METTL15: variants seen among roughly 807,000 people sequenced by gnomAD.
METTL15 encodes 12S rRNA N(4)-cytidine methyltransferase METTL15.
A neutral mutation model predicts 38.3 loss-of-function variants in METTL15; 34 were observed. The ratio of observed to expected loss-of-function variants is 0.89; its 90% CI spans 0.68 to 1.18. The LOEUF (loss-of-function observed/expected upper bound fraction) is 1.18, where lower values mean the gene tolerates loss of function less well. Among genes scored for constraint, METTL15 ranks in the 50% most tolerant of loss-of-function variants. The pLI is 0.00. For missense variants in METTL15, 438 were observed against 498.4 expected (o/e 0.88, Z 1.15); for synonymous variants, 162 against 170.9 (o/e 0.95, Z 0.41).
At chr11:28,299,628 C>T (rs908602945) in intron 6 of METTL15, among the ~76,000 whole-genome samples, 2 of 152,090 alleles carry the variant, frequency 1.3e-5, no homozygotes, top group African/African-American at 4.8e-5. Context: ...AGGGTTAAAT[C>T]TGTCCAGTCC....
At chr11:28,324,470 T>A (rs1371370278) in intron 6 of METTL15, among the ~76,000 whole-genome samples, 1 of 152,196 alleles carries the variant, frequency 6.6e-6, no homozygotes, top group East Asian at 1.9e-4. Context: ...CTCCATTGCA[T>A]GTACAAATAA....
At chr11:28,283,737 C>A (rs551287596) in intron 4 of METTL15, among the ~76,000 whole-genome samples, 6 of 152,288 alleles carry the variant, frequency 3.9e-5, no homozygotes, top group Admixed American at 1.3e-4. Flanking sequence ...TCTACTGCTG[C>A]GTCCGTTGAC....
intron 5 of METTL15, among the ~76,000 whole-genome samples, chr11:28,421,896 G>A (rs1247518377): frequency 2.0e-5 from 3 of 151,892 alleles, no homozygotes; most frequent in Admixed American, 6.6e-5. Flanking sequence ...AATAAGTCCA[G>A]TTATCCTTTT....
chr11:28,430,609 C>T (rs1216609133), intron 6 of METTL15, among the ~76,000 whole-genome samples: 1 of 48,394 alleles, frequency 2.1e-5, no homozygotes, highest in African/African-American at 8.1e-5. Context: ...GGGGGGTCAG[C>T]CCTCCGCCCG....
At chr11:28,195,238 G>T (rs1306311673) in intron 3 of METTL15, among the ~76,000 whole-genome samples, 2 of 151,974 alleles carry the variant, frequency 1.3e-5, no homozygotes, top group African/African-American at 4.8e-5. Flanking sequence ...CCCAGTAGTA[G>T]GATTGCTGAA....
At chr11:28,468,957 A>T (rs1427197305) in intron 6 of METTL15, among the ~76,000 whole-genome samples, 1 of 152,136 alleles carries the variant, frequency 6.6e-6, no homozygotes, top group Admixed American at 6.6e-5. Context: ...AATTGATTTT[A>T]ATTTTTTGTG....
intron 6 of METTL15, among the ~76,000 whole-genome samples, chr11:28,321,948 G>A (rs1239007667): frequency 6.6e-6 from 1 of 151,408 alleles, no homozygotes; most frequent in Admixed American, 6.6e-5. Context: ...ACTTCAAATG[G>A]GTACGAAAAG....
intron 6 of METTL15, among the ~76,000 whole-genome samples, chr11:28,470,143 C>T (rs1264545350): frequency 2.6e-5 from 4 of 152,174 alleles, no homozygotes; most frequent in East Asian, 1.9e-4. Flanking sequence ...GAAAAACAAT[C>T]TTTGTATTGT....
intron 2 of METTL15, among the ~76,000 whole-genome samples, chr11:28,112,589 A>G (rs1485192696): frequency 5.9e-5 from 9 of 152,166 alleles, no homozygotes; most frequent in Non-Finnish European, 1.3e-4. Context: ...CACCTATGGT[A>G]AATCCAAGGA....
At chr11:28,122,934 C>T (rs1852314439) in intron 3 of METTL15, among the ~76,000 whole-genome samples, 1 of 151,786 alleles carries the variant, frequency 6.6e-6, no homozygotes, top group African/African-American at 2.4e-5. Context: ...ATCAAGCTTC[C>T]AAGGTAATTA....
rs140532541 is a variant in METTL15, at chr11:28,284,750, T to C, written c.408-5456T>C. On this transcript the variant is annotated intron_variant, in intron 4 of 6. Transcript: ENST00000407364. ...ACAAGGGGAGCAAGGATTTACTTTA[T>C]TCTTGCTGATCGTTATGGAATTCAG... Among the ~76,000 whole-genome samples, 370 of 152,336 alleles carry C rather than the reference T, an allele frequency of 2.4e-3. 4 individuals carry two copies. Among genetic ancestry groups the C allele is most frequent in the African/African-American group, 7.9e-3 (330 of 41,584 alleles).
chr11:28,269,132 G>T (rs1200485609), intron 4 of METTL15, among the ~76,000 whole-genome samples: 1 of 152,082 alleles, frequency 6.6e-6, no homozygotes, highest in African/African-American at 2.4e-5. Context: ...GAAACCCCAA[G>T]TGATCCAGTT....
intron 5 of METTL15, among the ~76,000 whole-genome samples, chr11:28,364,048 T>G (rs1850164611): frequency 6.6e-6 from 1 of 152,188 alleles, no homozygotes; most frequent in South Asian, 2.1e-4. Context: ...GCGTGCCTGT[T>G]TTTGTATTAA....
At chr11:28,290,058 C>CATGT in intron 4 of METTL15, 148 bp from the exon 5 acceptor site, 1 of 586,794 alleles carries the variant, frequency 1.7e-6, no homozygotes, top group Non-Finnish European at 2.7e-6. Context: ...TTTCCATATC[C>CATGT]ATGTCTTTAT....
chr11:28,288,100 A>G (rs1420941544), intron 4 of METTL15, among the ~76,000 whole-genome samples: 3 of 152,196 alleles, frequency 2.0e-5, no homozygotes. Context: ...AATGCAAATC[A>G]GAACCACAAT....
At chr11:28,521,736 C>A (rs886361151) in intron 6 of METTL15, among the ~76,000 whole-genome samples, 2 of 152,032 alleles carry the variant, frequency 1.3e-5, no homozygotes, top group Admixed American at 1.3e-4. Flanking sequence ...ATCCTGGTTC[C>A]TTCCATGTCC....
intron 5 of METTL15, among the ~76,000 whole-genome samples, chr11:28,369,125 C>T (rs978325239): frequency 2.0e-5 from 3 of 151,904 alleles, no homozygotes; most frequent in African/African-American, 4.8e-5. Flanking sequence ...ACATTCTGCA[C>T]ATGTACCCCA....
chr11:28,362,210 T>G (rs1444542837), intron 5 of METTL15, among the ~76,000 whole-genome samples: 1 of 151,984 alleles, frequency 6.6e-6, no homozygotes, highest in Admixed American at 6.6e-5. Context: ...AAACAAACAG[T>G]CCTGATTGTG....
intron 3 of METTL15, among the ~76,000 whole-genome samples, chr11:28,153,675 T>A (rs1468019914): frequency 6.6e-6 from 1 of 152,276 alleles, no homozygotes; most frequent in East Asian, 1.9e-4. Flanking sequence ...TAAGTTTTGT[T>A]TGAGTGACCC....
Sources: gnomAD v4.1 joint callset for allele counts (sites outside exome capture counted in the v4.1 genomes callset) on GRCh38, gnomAD v4.1.1 for gene constraint, MANE v1.5 for transcripts, NCBI Gene and HGNC (gene_info 2026-07-23, HGNC 2026-07-21) for gene names.